The following STAB1 variants were observed in gnomAD, a reference collection of about 807,000 sequenced individuals.
STAB1 encodes the protein stabilin 1.
Under a neutral mutation model 332.4 loss-of-function variants are expected in STAB1, and 250 were observed. The observed-to-expected ratio is 0.75, with a 90% CI of 0.68 to 0.84. STAB1 has a LOEUF of 0.84. Ranked by LOEUF, STAB1 falls within the 40% of genes least tolerant of loss-of-function variation. STAB1 has a pLI of 0.00. For missense variants in STAB1, 3,249 were observed against 3,489.7 expected (o/e 0.93, Z 1.74); for synonymous variants, 1,475 against 1,390.4 (o/e 1.06, Z -1.35).
chr3:52,523,789 C>G, intron 66 of STAB1, 33 bp downstream of exon 66: 2 of 1,589,584 alleles, frequency 1.3e-6, no homozygotes, highest in South Asian at 2.2e-5. Flanking sequence ...AGAGCCCTTC[C>G]TGGCACCCCC....
chr3:52,519,914 G>A (rs770055252), intron 50 of STAB1, 30 bp from the exon 51 acceptor site: 4 of 1,542,946 alleles, frequency 2.6e-6, no homozygotes, highest in South Asian at 1.2e-5. Flanking sequence ...ACTGGGCAGC[G>A]ACTGCCACAT....
At chr3:52,496,923 T>C (rs541339720) in intron 1 of STAB1, among the ~76,000 whole-genome samples, 1 of 152,334 alleles carries the variant, frequency 6.6e-6, no homozygotes, top group African/African-American at 2.4e-5. Context: ...CCTCTGTATC[T>C]GTGCACCCTG....
chr3:52,495,389 G>A lies in STAB1; in HGVS notation c.-25G>A. The A allele has an allele frequency of 7.5e-7, 1 of 1,333,506 alleles. No individual in the cohort carries two copies. Among genetic ancestry groups the A allele is most frequent in the Non-Finnish European group, 9.7e-7 (1 of 1,035,020 alleles). The allele number at this position is 1,333,506 out of a possible 1,614,324, so 82.6% of individuals were successfully genotyped here. ...AGCTCATTCCCTACGCCCCGACTCTGTCCTGGACAGCGTGCCCACCAGCCA... is the reference window on the plus strand; with the variant it reads ...AGCTCATTCCCTACGCCCCGACTCTATCCTGGACAGCGTGCCCACCAGCCA... On this transcript the variant is annotated 5_prime_UTR_variant, in exon 1 of 69. Transcript: ENST00000321725.
Position 52,510,104 on chromosome 3 carries a change from T to A in STAB1, c.2535-38T>A, listed in dbSNP as rs113655959. 8.7e-6 allele frequency: 14 copies of A among 1,613,720 alleles called. No individual in the cohort carries two copies. The African/African-American group carries it at 1.1e-4, about 12-fold the overall frequency. ...TGCCCCACCCGTGACCTTTCATACCTGAGGCTCACTGGAGCCCCCTCCTTC... is the reference window on the plus strand; with the variant it reads ...TGCCCCACCCGTGACCTTTCATACCAGAGGCTCACTGGAGCCCCCTCCTTC... On this transcript the variant is annotated intron_variant, in intron 23 of 68. Transcript: ENST00000321725.
chr3:52,504,860 C>T lies in STAB1; in HGVS notation c.1361C>T (p.Thr454Ile). 6.2e-7 allele frequency: 1 copy of T among 1,613,714 alleles called. No individual in the cohort carries two copies. The highest frequency in any genetic ancestry group is 8.5e-7 in the Non-Finnish European group (1 of 1,180,026). Reference sequence around the variant, plus strand: ...CTGGCCGGGCAGGAGATCACCGTCACCTTTAACCAATTCACGGTGAGGGAG... The same window carrying T: ...CTGGCCGGGCAGGAGATCACCGTCATCTTTAACCAATTCACGGTGAGGGAG... ...WTLAGQEITV[T>I]FNQFTKYSYK... is the part of the protein sequence containing the mutation. Residue 454 changes from threonine to isoleucine, a missense_variant, in exon 12 of 69, where the codon ACC becomes ATC. By Grantham distance (89) the Thr-to-Ile change is moderately conservative. Coordinates refer to ENST00000321725, the MANE Select transcript of STAB1 (RefSeq NM_015136.3).
At chr3:52,504,947 C>T in intron 12 of STAB1, 56 bp from the exon 13 acceptor site, 1 of 1,612,470 alleles carries the variant, frequency 6.2e-7, no homozygotes, top group African/African-American at 1.3e-5. Context: ...TGGGAGGGAG[C>T]CTCCGGACAG....
chr3:52,501,057 C>G, intron 1 of STAB1, 109 bp from the exon 2 acceptor site: 6 of 1,462,778 alleles, frequency 4.1e-6, no homozygotes, highest in Non-Finnish European at 4.7e-6. Context: ...GACCCCTGAG[C>G]AGATGGGAAG....
chr3:52,523,663 A>G lies in STAB1; in HGVS notation c.7302A>G (p.Thr2434=). Residue 2434 remains threonine, a synonymous_variant, in exon 66 of 69, where the codon ACA becomes ACG. Coordinates refer to ENST00000321725, the MANE Select transcript of STAB1 (RefSeq NM_015136.3). The stretch of plus-strand genomic sequence containing the variant: ...TGGTCTCCCTGCAGGCCCCAGGGAC[A>G]GTTGTGGTTAGCCGTATCATTGTGT... ...NSSWAPVAPG[T]VVVSRIIVWD... 6.2e-7 allele frequency: 1 copy of G among 1,612,866 alleles called. No homozygotes were observed.
At position 52,514,549 on chromosome 3, in the gene STAB1, A is replaced by G. The variant is rs954598517; in HGVS notation, c.3678+53A>G. The G allele has an allele frequency of 3.3e-6, 5 of 1,530,330 alleles. No individual in the cohort carries two copies. In the African/African-American group the frequency reaches 6.9e-5, roughly 21 times the overall value. 94.8% of individuals were successfully genotyped at this position (1,530,330 alleles called of 1,614,324 possible). On this transcript the variant is annotated intron_variant, in intron 34 of 68. Transcript: ENST00000321725. ...CTAGCCCGGGCCCCTACCCCTGAAGATCCCTTCCCTTTGGAGTTTCCCTAG... is the reference window on the plus strand; with the variant it reads ...CTAGCCCGGGCCCCTACCCCTGAAGGTCCCTTCCCTTTGGAGTTTCCCTAG...
At chr3:52,519,877 C>T (rs1478559475) in intron 50 of STAB1, 67 bp from the exon 51 acceptor site, 3 of 1,499,064 alleles carry the variant, frequency 2.0e-6, no homozygotes, top group Admixed American at 4.2e-5. Flanking sequence ...TGTGGCACAG[C>T]CCCCTGCCTT....
Position 52,516,198 on chromosome 3 carries a change from G to T in STAB1, c.4104G>T (p.Glu1368Asp). 3.1e-6 allele frequency: 5 copies of T among 1,612,612 alleles called. No homozygotes were observed. The highest frequency in any genetic ancestry group is 4.2e-6 in the Non-Finnish European group (5 of 1,179,894). ...CHEGFHGTAC[E>D]VCELGRYGPN... is the part of the protein sequence containing the mutation. ...AGGGCTTCCATGGAACGGCCTGTGA[G>T]GTGTGTGAGCTGGGCCGCTACGGGC... Residue 1368 changes from glutamate (E) to aspartate (D), a missense_variant, in exon 38 of 69, where the codon GAG becomes GAT. Coordinates refer to ENST00000321725, the MANE Select transcript of STAB1 (RefSeq NM_015136.3).
In STAB1 at chr3:52,505,054, A is replaced by G; in HGVS notation, c.1429A>G (p.Lys477Glu). The G allele has an allele frequency of 1.2e-6, 2 of 1,613,808 alleles. No homozygotes were observed. The highest frequency in any genetic ancestry group is 1.7e-6 in the Non-Finnish European group (2 of 1,180,000). Residue 477 changes from lysine (K) to glutamate (E), a missense_variant, in exon 13 of 69, where the codon AAG becomes GAG. Transcript: ENST00000321725. Reference sequence around the variant, plus strand: ...GCCCCAGCAGACGTTCAACATCTACAAGGCCAACAACATAGCAGCTAATGG... The same window carrying G: ...GCCCCAGCAGACGTTCAACATCTACGAGGCCAACAACATAGCAGCTAATGG... ...DQPQQTFNIY[K>E]ANNIAANGVF... is the part of the protein sequence containing the mutation.
chr3:52,516,542 A>G lies in STAB1; in HGVS notation c.4241A>G (p.Lys1414Arg), dbSNP rs1208287850. Residue 1414 changes from lysine (K) to arginine (R), a missense_variant and splice_region_variant, in exon 40 of 69, where the codon AAA becomes AGA. Lys to Arg is a conservative substitution (Grantham distance 26). Transcript: ENST00000321725. ...CCAGAGTCATCCTCCTGCCCCCCAG[A>G]AATCACCAGCCCTCAGTGCCCTAGG... ...VGWQGLRCDQ[K>R]ITSPQCPRKC... 1.9e-6 allele frequency: 3 copies of G among 1,613,184 alleles called. No individual in the cohort carries two copies. The African/African-American group carries it at 4.0e-5, about 22-fold the overall frequency.
chr3:52,513,647 G>C, intron 30 of STAB1, 70 bp from the exon 31 acceptor site: 1 of 1,503,398 alleles, frequency 6.7e-7, no homozygotes, highest in Non-Finnish European at 9.0e-7. Flanking sequence ...CAGTCTCTCT[G>C]TTGGGGCTGC....
At chr3:52,511,260 G>A (rs964595641) in intron 25 of STAB1, among the ~76,000 whole-genome samples, 2 of 152,220 alleles carry the variant, frequency 1.3e-5, no homozygotes, top group African/African-American at 2.4e-5. Flanking sequence ...TGGGGGATTA[G>A]AGCAGCTGAG....
intron 44 of STAB1, 94 bp downstream of exon 44, chr3:52,517,718 G>T: frequency 6.4e-7 from 1 of 1,554,966 alleles, no homozygotes; most frequent in Non-Finnish European, 8.8e-7. Context: ...GGTCCTAAGG[G>T]CCTCTGCAGG....
Position 52,521,834 on chromosome 3 carries a change from TG to T in STAB1, c.6164-5del. ...TAACCTGGTTCTGGGGGCTGGGCCC[TG>T]GGGGACAGAGCTGCAGCCTGTGTGT... is the stretch of plus-strand genomic sequence containing the variant. On this transcript the variant is annotated splice_polypyrimidine_tract_variant and intron_variant, in intron 57 of 68. Transcript: ENST00000321725. The T allele has an allele frequency of 6.3e-7, 1 of 1,593,716 alleles. No individual in the cohort carries two copies. Among genetic ancestry groups the T allele is most frequent in the Admixed American group, 1.7e-5 (1 of 59,030 alleles).
intron 53 of STAB1, 25 bp downstream of exon 53, chr3:52,520,574 G>A: frequency 1.2e-6 from 2 of 1,610,860 alleles, no homozygotes; most frequent in Non-Finnish European, 1.7e-6. Flanking sequence ...AGGCAGACGG[G>A]CAGAAGCCCA....
chr3:52,501,954 A>G, intron 3 of STAB1, 52 bp from the exon 4 acceptor site: 1 of 1,601,720 alleles, frequency 6.2e-7, no homozygotes, highest in Non-Finnish European at 8.5e-7. Context: ...TGCTGGGGTC[A>G]GGGTAAGCGG....
Sources: allele counts gnomAD v4.1 joint callset (sites outside exome capture counted in the v4.1 genomes callset), GRCh38; gene constraint gnomAD v4.1.1; transcripts MANE v1.5; gene names NCBI Gene and HGNC (gene_info 2026-07-23, HGNC 2026-07-21).